Variants in SEMA3A observed in about 807,000 individuals in gnomAD.
The protein encoded by SEMA3A is semaphorin 3A.
Under a neutral mutation model 97.9 loss-of-function variants are expected in SEMA3A, and 29 were observed. That is an observed-to-expected ratio of 0.30 (90% confidence interval 0.22 to 0.40). The LOEUF is 0.40. Ranked by LOEUF, SEMA3A falls within the 10% of genes least tolerant of loss-of-function variation. The pLI, the probability that SEMA3A is intolerant of heterozygous loss-of-function variation, is 1.00. For synonymous variants in SEMA3A, 321 were observed against 323.7 expected (o/e 0.99, Z 0.09); for missense variants, 763 against 951.3 (o/e 0.80, Z 2.60).
intron 3 of SEMA3A, among the ~76,000 whole-genome samples, chr7:84,289,942 G>C: frequency 6.6e-6 from 1 of 152,116 alleles, no homozygotes; most frequent in East Asian, 1.9e-4. Flanking sequence ...GCAATAAAGA[G>C]GAGTGAAGTA....
At chr7:84,393,546 C>T (rs1327950341) in intron 1 of SEMA3A, among the ~76,000 whole-genome samples, 1 of 152,144 alleles carries the variant, frequency 6.6e-6, no homozygotes, top group Admixed American at 6.6e-5. Context: ...ACCCATGCAT[C>T]TATGATCAAT....
chr7:84,386,815 C>A (rs1218707557), intron 1 of SEMA3A, among the ~76,000 whole-genome samples: 2 of 151,980 alleles, frequency 1.3e-5, no homozygotes, highest in Admixed American at 1.3e-4. Flanking sequence ...GCCTGGCCAA[C>A]ATGGCGAAAC....
At chr7:84,182,665 A>G (rs2116241012) in intron 1 of SEMA3A, among the ~76,000 whole-genome samples, 2 of 152,174 alleles carry the variant, frequency 1.3e-5, no homozygotes, top group Non-Finnish European at 1.5e-5. Flanking sequence ...AATTACACAA[A>G]TTACCTTGAA....
chr7:84,246,300 G>C (rs555563154), intron 3 of SEMA3A, among the ~76,000 whole-genome samples: 1 of 152,156 alleles, frequency 6.6e-6, no homozygotes. Flanking sequence ...TTACAGCTGC[G>C]CCAGAAAATT....
chr7:84,485,344 G>A (rs1235787452), intron 1 of SEMA3A, among the ~76,000 whole-genome samples: 1 of 151,274 alleles, frequency 6.6e-6, no homozygotes, highest in Non-Finnish European at 1.5e-5. Context: ...GTAGCTGAGA[G>A]CACACATGAA....
At chr7:84,411,216 T>C (rs1804255655) in intron 1 of SEMA3A, among the ~76,000 whole-genome samples, 1 of 152,100 alleles carries the variant, frequency 6.6e-6, no homozygotes, top group Admixed American at 6.6e-5. Context: ...AAAAAATTGG[T>C]AGCGGTCCAC....
chr7:84,001,547 T>C (rs1308302190), intron 12 of SEMA3A, among the ~76,000 whole-genome samples: 4 of 152,256 alleles, frequency 2.6e-5, no homozygotes, highest in Admixed American at 2.0e-4. Flanking sequence ...TTGACTGAAA[T>C]GTCTTCAGTA....
At chr7:84,316,169 T>G (rs1801496263) in intron 2 of SEMA3A, among the ~76,000 whole-genome samples, 1 of 144,960 alleles carries the variant, frequency 6.9e-6, no homozygotes, top group Non-Finnish European at 1.5e-5. Context: ...AAGTGCTCCC[T>G]GTTTTCAAAC....
chr7:84,092,454 C>T (rs571989433), intron 4 of SEMA3A, among the ~76,000 whole-genome samples: 7 of 152,250 alleles, frequency 4.6e-5, no homozygotes, highest in Non-Finnish European at 8.8e-5. Context: ...AACATCACAA[C>T]ACTTTTCATA....
intron 3 of SEMA3A, among the ~76,000 whole-genome samples, chr7:84,223,205 A>C (rs1393263345): frequency 6.6e-6 from 1 of 151,826 alleles, no homozygotes; most frequent in Non-Finnish European, 1.5e-5. Flanking sequence ...AAGTTTAGTT[A>C]ATGTTTCACG....
upstream of SEMA3A, among the ~76,000 whole-genome samples, chr7:84,199,677 T>C (rs559607711): frequency 2.1e-4 from 32 of 152,204 alleles, no homozygotes; most frequent in African/African-American, 7.2e-4. Context: ...ACTTCTGATG[T>C]TGGAAATTCA....
chr7:84,102,967 G>T lies in SEMA3A; in HGVS notation c.453+7503C>A, dbSNP rs536618710. Among the ~76,000 whole-genome samples, 5 of 151,654 alleles carry T rather than the reference G, an allele frequency of 3.3e-5. No individual in the cohort carries two copies. In the East Asian group the frequency reaches 7.8e-4, roughly 24 times the overall value. ...CACATATTGTATGGGGGTTTTTTTT[G>T]ACAGTAACTAAGTATATGCTCTTTA... On this transcript the variant is annotated intron_variant, in intron 4 of 16. Transcript: ENST00000265362.
chr7:84,035,509 T>A (rs537974153), intron 6 of SEMA3A, among the ~76,000 whole-genome samples: 8 of 152,178 alleles, frequency 5.3e-5, no homozygotes, highest in African/African-American at 1.9e-4. Flanking sequence ...ATTTTTTAAG[T>A]TCTTATTTAT....
chr7:84,424,929 A>G (rs1243760547), intron 1 of SEMA3A, among the ~76,000 whole-genome samples: 102 of 97,640 alleles, frequency 1.0e-3, no homozygotes, highest in South Asian at 2.1e-3. Context: ...ATATATTTAT[A>G]TTTATATAAA....
intron 3 of SEMA3A, among the ~76,000 whole-genome samples, chr7:84,225,541 A>G (rs775597988): frequency 3.3e-5 from 5 of 152,110 alleles, no homozygotes; most frequent in African/African-American, 4.8e-5. Flanking sequence ...AATGCAGAAG[A>G]GGTGTCTGGC....
chr7:84,480,932 G>A (rs1475955560), intron 1 of SEMA3A, among the ~76,000 whole-genome samples: 1 of 152,074 alleles, frequency 6.6e-6, no homozygotes, highest in Admixed American at 6.6e-5. Context: ...ATAGCATGGA[G>A]CTTTATGAAT....
chr7:84,239,674 A>G (rs1263866179), intron 3 of SEMA3A, among the ~76,000 whole-genome samples: 2 of 152,174 alleles, frequency 1.3e-5, no homozygotes, highest in African/African-American at 2.4e-5. Flanking sequence ...TTTTTCTAAC[A>G]TATTTTTAAG....
At chr7:84,414,102 C>T (rs1214218362) in intron 1 of SEMA3A, among the ~76,000 whole-genome samples, 3 of 152,116 alleles carry the variant, frequency 2.0e-5, no homozygotes, top group African/African-American at 4.8e-5. Flanking sequence ...CCCGCACCAA[C>T]TTGAGCAATT....
chr7:83,991,308 T>C (rs922387731), intron 12 of SEMA3A, among the ~76,000 whole-genome samples: 6 of 152,186 alleles, frequency 3.9e-5, no homozygotes, highest in East Asian at 1.9e-4. Context: ...GAATACCCTT[T>C]ATTTCCTTCT....
Sources: gnomAD v4.1 joint callset for allele counts (sites outside exome capture counted in the v4.1 genomes callset) on GRCh38, gnomAD v4.1.1 for gene constraint, MANE v1.5 for transcripts, NCBI Gene and HGNC (gene_info 2026-07-23, HGNC 2026-07-21) for gene names.